The following KHDRBS2 variants were observed in gnomAD, a reference collection of about 807,000 sequenced individuals.
KHDRBS2 encodes the protein KH domain-containing, RNA-binding, signal transduction-associated protein 2.
In KHDRBS2, 26 loss-of-function variants were observed where a neutral mutation model predicts 44.3. The observed-to-expected ratio is 0.59, with a 90% CI of 0.43 to 0.81. KHDRBS2 has a LOEUF of 0.81. KHDRBS2 is among the 40% of genes least tolerant of loss of function. The pLI, the probability that KHDRBS2 is intolerant of heterozygous loss-of-function variation, is 0.00. For missense variants in KHDRBS2, 476 were observed against 433.1 expected, an observed-to-expected ratio of 1.10 and a Z score of -0.88; for synonymous variants, 194 against 151.1, an observed-to-expected ratio of 1.28 and a Z score of -2.08.
chr6:62,015,959 C>T (rs1488974502), intron 3 of KHDRBS2, among the ~76,000 whole-genome samples: 1 of 152,146 alleles, frequency 6.6e-6, no homozygotes, highest in Non-Finnish European at 1.5e-5. Context: ...GCCATTTATA[C>T]TTATAGTCAT....
chr6:62,129,001 A>G (rs1334408441), intron 2 of KHDRBS2, among the ~76,000 whole-genome samples: 3 of 152,114 alleles, frequency 2.0e-5, no homozygotes, highest in African/African-American at 7.2e-5. Flanking sequence ...GTGTGTGACT[A>G]TCACTGAATG....
chr6:62,036,552 GA>G (rs959013297), intron 3 of KHDRBS2, among the ~76,000 whole-genome samples: 17 of 151,418 alleles, frequency 1.1e-4, no homozygotes, highest in African/African-American at 2.9e-4. Flanking sequence ...AAAATTATAA[GA>G]AAAAAAAGTA....
Position 61,775,722 on chromosome 6 carries a change from G to A in KHDRBS2, c.811-42958C>T, listed in dbSNP as rs566014977. 1.6e-3 allele frequency among the ~76,000 whole-genome samples: 242 copies of A among 152,294 alleles called. 1 individual carries two copies. The highest frequency in any genetic ancestry group is 3.3e-3 in the Non-Finnish European group (222 of 68,030). On this transcript the variant is annotated intron_variant, in intron 6 of 8. Transcript: ENST00000281156. ...TGCGAAAATGGCCATACTGCCCAAG[G>A]TAATTTACAGATTCAATGCCATCCC... is the stretch of plus-strand genomic sequence containing the variant.
intron 3 of KHDRBS2, among the ~76,000 whole-genome samples, chr6:62,032,052 T>G (rs964053023): frequency 5.9e-5 from 9 of 152,110 alleles, no homozygotes; most frequent in African/African-American, 2.2e-4. Context: ...AGATTCTGCA[T>G]GTTTGGGAGA....
chr6:61,562,130 C>A, the KHDRBS2 span, among the ~76,000 whole-genome samples: 1 of 152,124 alleles, frequency 6.6e-6, no homozygotes, highest in Non-Finnish European at 1.5e-5. Context: ...ATTTTTCTTG[C>A]ATATATGTAG....
At position 61,703,881 on chromosome 6, in the gene KHDRBS2, CTG is replaced by C. The variant is rs577859172; in HGVS notation, c.894-6630_894-6629del. Among the ~76,000 whole-genome samples, 4 of 151,988 alleles carry C rather than the reference CTG, an allele frequency of 2.6e-5. No homozygotes were observed. The South Asian group carries it at 8.3e-4, about 31-fold the overall frequency. On this transcript the variant is annotated intron_variant, in intron 7 of 8. Transcript: ENST00000281156. The stretch of plus-strand genomic sequence containing the variant: ...CCACATCTCAGTACTGTTGTATTAT[CTG>C]CTAATTCTGATGGTTATCCTGAATC...
intron 3 of KHDRBS2, among the ~76,000 whole-genome samples, chr6:62,022,918 A>T (rs1782610421): frequency 6.6e-6 from 1 of 151,718 alleles, no homozygotes; most frequent in African/African-American, 2.4e-5. Flanking sequence ...CTCTCAGGAA[A>T]CTGGCAGCAG....
At chr6:61,575,251 TCAAA>T in the KHDRBS2 span, among the ~76,000 whole-genome samples, 2 of 151,972 alleles carry the variant, frequency 1.3e-5, no homozygotes, top group African/African-American at 4.8e-5. Context: ...TACAAGGAAC[TCAAA>T]CAAATCAGCA....
chr6:62,027,546 G>T (rs946715505), intron 3 of KHDRBS2, among the ~76,000 whole-genome samples: 2 of 152,090 alleles, frequency 1.3e-5, no homozygotes, highest in African/African-American at 4.8e-5. Flanking sequence ...CCCTAAGGAT[G>T]AGGGGCTGAT....
intron 1 of KHDRBS2, among the ~76,000 whole-genome samples, chr6:62,271,297 T>A (rs1228499409): frequency 6.6e-6 from 1 of 152,166 alleles, no homozygotes; most frequent in Non-Finnish European, 1.5e-5. Flanking sequence ...TTAGCCATCC[T>A]AATATCTAGC....
intron 1 of KHDRBS2, among the ~76,000 whole-genome samples, chr6:62,258,134 G>T (rs992936210): frequency 6.6e-6 from 1 of 151,958 alleles, no homozygotes; most frequent in Non-Finnish European, 1.5e-5. Flanking sequence ...TGATTAAAGG[G>T]TTACTGTGCA....
At chr6:61,601,549 G>T in the KHDRBS2 span, among the ~76,000 whole-genome samples, 2 of 151,944 alleles carry the variant, frequency 1.3e-5, no homozygotes, top group Admixed American at 6.6e-5. Flanking sequence ...ATAGGCAAAC[G>T]GTCTGAGGTG....
At chr6:62,210,291 G>C (rs1233612358) in intron 1 of KHDRBS2, among the ~76,000 whole-genome samples, 1 of 149,276 alleles carries the variant, frequency 6.7e-6, no homozygotes, top group Admixed American at 6.7e-5. Context: ...CATACTAGCT[G>C]CTAAAGGAAA....
At chr6:61,795,713 AT>A (rs1349625326) in intron 6 of KHDRBS2, among the ~76,000 whole-genome samples, 1 of 152,140 alleles carries the variant, frequency 6.6e-6, no homozygotes. Flanking sequence ...TCCCCTGAAA[AT>A]CATTTTTACA....
the KHDRBS2 span, among the ~76,000 whole-genome samples, chr6:61,556,324 T>A: frequency 6.6e-6 from 1 of 152,190 alleles, no homozygotes; most frequent in African/African-American, 2.4e-5. Context: ...GGTGCCAATG[T>A]CCATGCTAGA....
chr6:62,068,460 G>C (rs1246544650), intron 2 of KHDRBS2, among the ~76,000 whole-genome samples: 2 of 151,294 alleles, frequency 1.3e-5, no homozygotes, highest in African/African-American at 4.8e-5. Context: ...TCTTTGGGCT[G>C]TGTTTTCATT....
intron 4 of KHDRBS2, among the ~76,000 whole-genome samples, chr6:61,936,781 C>G (rs1811110023): frequency 6.6e-6 from 1 of 151,972 alleles, no homozygotes; most frequent in South Asian, 2.1e-4. Flanking sequence ...TAGTATTCCT[C>G]TATCTTCTTC....
intron 2 of KHDRBS2, among the ~76,000 whole-genome samples, chr6:62,115,149 T>C (rs1435067954): frequency 1.3e-5 from 2 of 152,182 alleles, no homozygotes; most frequent in African/African-American, 2.4e-5. Context: ...TCAAAATTAA[T>C]GTTTTCATAG....
intron 6 of KHDRBS2, among the ~76,000 whole-genome samples, chr6:61,775,939 A>G (rs1781906076): frequency 6.6e-6 from 1 of 152,252 alleles, no homozygotes; most frequent in Non-Finnish European, 1.5e-5. Flanking sequence ...GTACCAAAAC[A>G]GAGATATAGA....
Sources: allele counts gnomAD v4.1 joint callset (sites outside exome capture counted in the v4.1 genomes callset), GRCh38; gene constraint gnomAD v4.1.1; transcripts MANE v1.5; gene names NCBI Gene and HGNC (gene_info 2026-07-23, HGNC 2026-07-21).